ZFPM2: variants seen among roughly 807,000 people sequenced by gnomAD.
ZFPM2 encodes zinc finger protein, FOG family member 2.
ZFPM2 carries 20 observed loss-of-function variants against 98.6 expected under a neutral mutation model. The observed-to-expected ratio is 0.20, with a 90% CI of 0.14 to 0.29. ZFPM2 has a LOEUF of 0.29. ZFPM2 is among the 10% of genes least tolerant of loss of function. The pLI is 1.00. For missense variants in ZFPM2, 1,310 were observed against 1,388.6 expected, an observed-to-expected ratio of 0.94 and a Z score of 0.90; for synonymous variants, 518 against 502.7, an observed-to-expected ratio of 1.03 and a Z score of -0.41.
intron 6 of ZFPM2, among the ~76,000 whole-genome samples, chr8:105,789,626 T>C (rs1304711448): frequency 6.6e-6 from 1 of 151,220 alleles, no homozygotes; most frequent in Non-Finnish European, 1.5e-5. Context: ...GGTCAAATGG[T>C]ATTTCTAGTT....
intron 5 of ZFPM2, among the ~76,000 whole-genome samples, chr8:105,647,799 C>A (rs1170731833): frequency 2.6e-5 from 4 of 152,122 alleles, no homozygotes; most frequent in African/African-American, 9.7e-5. Context: ...TGGCTTGGTT[C>A]CAACTCTTTG....
chr8:105,623,513 G>A (rs530894353), intron 4 of ZFPM2, among the ~76,000 whole-genome samples: 8 of 152,146 alleles, frequency 5.3e-5, no homozygotes, highest in African/African-American at 7.2e-5. Context: ...TATTAATATC[G>A]GGATTCAGAA....
At chr8:105,478,241 C>T (rs1225239894) in intron 3 of ZFPM2, among the ~76,000 whole-genome samples, 1 of 152,118 alleles carries the variant, frequency 6.6e-6, no homozygotes, top group Non-Finnish European at 1.5e-5. Flanking sequence ...TTTGGCTTCT[C>T]TTGTGTAGTG....
In ZFPM2 at chr8:105,788,940, T is replaced by TGTGTA; in HGVS notation, c.739+18_739+22dup. On this transcript the variant is annotated intron_variant, in intron 6 of 7. Coordinates refer to ENST00000407775, the MANE Select transcript of ZFPM2 (RefSeq NM_012082.4). ...ATTGTCAATAGTAAGTGCTCAGTGC[T>TGTGTA]GTGTAGCCCAGCTTTAGAGGTGATG... 1 of 1,598,474 alleles carries TGTGTA rather than the reference T, an allele frequency of 6.3e-7. No individual in the cohort carries two copies. The highest frequency in any genetic ancestry group is 8.6e-7 in the Non-Finnish European group (1 of 1,168,962).
chr8:105,336,050 C>T (rs1271166210), intron 1 of ZFPM2, among the ~76,000 whole-genome samples: 2 of 151,726 alleles, frequency 1.3e-5, no homozygotes, highest in South Asian at 2.1e-4. Flanking sequence ...AATGGATGTA[C>T]GGCACAAAGT....
intron 5 of ZFPM2, among the ~76,000 whole-genome samples, chr8:105,774,680 C>A (rs2131097571): frequency 6.6e-6 from 1 of 152,138 alleles, no homozygotes; most frequent in African/African-American, 2.4e-5. Context: ...ACTTAGTAAA[C>A]CTTTATGAAG....
chr8:105,742,222 A>T (rs778552792), intron 5 of ZFPM2, among the ~76,000 whole-genome samples: 39 of 151,640 alleles, frequency 2.6e-4, no homozygotes, highest in Non-Finnish European at 5.0e-4. Flanking sequence ...AAAACAAAAA[A>T]ATTTAAAAAG....
intron 4 of ZFPM2, among the ~76,000 whole-genome samples, chr8:105,571,901 C>A (rs545351714): frequency 5.9e-5 from 9 of 152,118 alleles, no homozygotes; most frequent in African/African-American, 2.2e-4. Context: ...TCTCAGGTGG[C>A]ATTGACAACC....
chr8:105,794,145 G>A (rs994902646), intron 6 of ZFPM2, among the ~76,000 whole-genome samples: 1 of 152,122 alleles, frequency 6.6e-6, no homozygotes, highest in African/African-American at 2.4e-5. Flanking sequence ...AGGAGGAGAG[G>A]TGCTCTGCTT....
In ZFPM2 at chr8:105,540,828, A is replaced by C. The variant is rs1814561518; in HGVS notation, c.302-20535A>C. Among the ~76,000 whole-genome samples, 3 of 152,150 alleles carry C rather than the reference A, an allele frequency of 2.0e-5. No individual in the cohort carries two copies. In the South Asian group the frequency reaches 6.2e-4, roughly 32 times the overall value. On this transcript the variant is annotated intron_variant, in intron 3 of 7. Transcript: ENST00000407775. ...TGGCTGAAAGTAAGAAATCGGCAAC[A>C]AGGTCCCACATTCAGAAGATTGCAG... is the stretch of plus-strand genomic sequence containing the variant.
chr8:105,698,646 A>G (rs2130952614), intron 5 of ZFPM2, among the ~76,000 whole-genome samples: 1 of 152,310 alleles, frequency 6.6e-6, no homozygotes, highest in Admixed American at 6.5e-5. Flanking sequence ...TTTTAGACGA[A>G]CAAAGTTCAT....
intron 2 of ZFPM2, among the ~76,000 whole-genome samples, chr8:105,421,677 C>T (rs1253219922): frequency 6.6e-6 from 1 of 152,072 alleles, no homozygotes; most frequent in Non-Finnish European, 1.5e-5. Context: ...ACTAATCTTT[C>T]TGTTGAAATT....
intron 5 of ZFPM2, among the ~76,000 whole-genome samples, chr8:105,728,308 T>C (rs1281578215): frequency 6.6e-6 from 1 of 150,564 alleles, no homozygotes; most frequent in African/African-American, 2.4e-5. Context: ...CAGAATAGGA[T>C]GGCTGCAATA....
At chr8:105,784,993 T>C (rs893997079) in intron 5 of ZFPM2, 7 of 147,022 alleles carry the variant, frequency 4.8e-5, no homozygotes, top group Admixed American at 1.3e-4. Flanking sequence ...CCTCTAACAT[T>C]TAAATATAAC....
At chr8:105,746,475 A>G (rs1812348010) in intron 5 of ZFPM2, among the ~76,000 whole-genome samples, 1 of 152,048 alleles carries the variant, frequency 6.6e-6, no homozygotes, top group South Asian at 2.1e-4. Context: ...GCAATAGCAA[A>G]TGCTCATTTG....
At chr8:105,707,371 TAGAA>T (rs1811288938) in intron 5 of ZFPM2, among the ~76,000 whole-genome samples, 1 of 152,142 alleles carries the variant, frequency 6.6e-6, no homozygotes, top group African/African-American at 2.4e-5. Context: ...ATGGGACAAT[TAGAA>T]AGCAAAAGAA....
rs1033271627 is a variant in ZFPM2 at position 105,788,628 on chromosome 8, CAT to C, written c.533-89_533-88del. 9 of 1,277,624 alleles carry C rather than the reference CAT, an allele frequency of 7.0e-6. No homozygotes were observed. In the African/African-American group the frequency reaches 1.3e-4, roughly 19 times the overall value. 79.1% of individuals were successfully genotyped at this position (1,277,624 alleles called of 1,614,324 possible). A position where few individuals can be genotyped will look rare whatever the true frequency, so the allele number is the denominator to read the frequency against. ...CTCCAGTAGAAACCAGTGTGAAAAA[CAT>C]GAGAAGGTGCTATGGACATCAATCT... is the stretch of plus-strand genomic sequence containing the variant. On this transcript the variant is annotated intron_variant, in intron 5 of 7. Transcript: ENST00000407775.
At chr8:105,489,466 A>ATATATATATATATTTTTTTTTT (rs1554610604) in intron 3 of ZFPM2, among the ~76,000 whole-genome samples, 12 of 119,808 alleles carry the variant, frequency 1.0e-4, no homozygotes, top group African/African-American at 4.3e-4. Context: ...ATATATATAT[A>ATATATATATATATTTTTTTTTT]TTTTTTTTTT....
chr8:105,729,959 A>G (rs1362082709), intron 5 of ZFPM2, among the ~76,000 whole-genome samples: 1 of 151,278 alleles, frequency 6.6e-6, no homozygotes, highest in Admixed American at 6.6e-5. Context: ...GCACTGTGGC[A>G]TGTAATATAT....
Sources: allele counts gnomAD v4.1 joint callset (sites outside exome capture counted in the v4.1 genomes callset), GRCh38; gene constraint gnomAD v4.1.1; transcripts MANE v1.5; gene names NCBI Gene and HGNC (gene_info 2026-07-23, HGNC 2026-07-21).